Variants in RSBN1L observed in about 807,000 individuals in gnomAD.
RSBN1L encodes the protein round spermatid basic protein 1 like.
A neutral mutation model predicts 67.7 loss-of-function variants in RSBN1L; 30 were observed. The observed-to-expected ratio is 0.44, with a 90% confidence interval of 0.33 to 0.60. The LOEUF (loss-of-function observed/expected upper bound fraction) is 0.60, where lower values mean the gene tolerates loss of function less well. Among genes scored for constraint, RSBN1L ranks in the 20% least tolerant of loss-of-function variants. The pLI is 0.02. For missense variants in RSBN1L, 992 were observed against 1,031.7 expected (o/e 0.96, Z 0.53); for synonymous variants, 433 against 387.0 (o/e 1.12, Z -1.39).
intron 2 of RSBN1L, among the ~76,000 whole-genome samples, chr7:77,748,909 GTCTGTC>G: frequency 6.6e-6 from 1 of 152,218 alleles, no homozygotes; most frequent in African/African-American, 2.4e-5. Context: ...CTGTCTGTCT[GTCTGTC>G]TCTCTCTTTC....
At chr7:77,724,847 G>GT (rs1306843890) in intron 1 of RSBN1L, among the ~76,000 whole-genome samples, 476 of 132,244 alleles carry the variant, frequency 3.6e-3, no homozygotes, top group African/African-American at 8.3e-3. Flanking sequence ...TTTCTTTTTT[G>GT]TTTTTTTTTT....
chr7:77,763,702 T>C (rs1367649894), intron 3 of RSBN1L, among the ~76,000 whole-genome samples: 1 of 152,224 alleles, frequency 6.6e-6, no homozygotes, highest in Non-Finnish European at 1.5e-5. Context: ...TATATTTGTT[T>C]GTTTTTTTGA....
chr7:77,723,946 T>A (rs533677672), intron 1 of RSBN1L, among the ~76,000 whole-genome samples: 26,365 of 78,784 alleles, frequency 0.33, 2,741 homozygotes, highest in African/African-American at 0.54. Flanking sequence ...AAAAAAAAAT[T>A]TTTTTTTTTT....
intron 1 of RSBN1L, among the ~76,000 whole-genome samples, chr7:77,734,547 G>A (rs1791308335): frequency 6.7e-6 from 1 of 149,522 alleles, no homozygotes; most frequent in Non-Finnish European, 1.5e-5. Context: ...GGAGTGCAGT[G>A]GCATGATCTC....
At chr7:77,713,354 CT>C (rs1383224994) in intron 1 of RSBN1L, among the ~76,000 whole-genome samples, 6 of 150,968 alleles carry the variant, frequency 4.0e-5, no homozygotes, top group Non-Finnish European at 8.9e-5. Context: ...ATTTCTCTCT[CT>C]TCCTTTTTTT....
At chr7:77,761,616 CATTTT>C (rs1791698200) in intron 3 of RSBN1L, among the ~76,000 whole-genome samples, 1 of 152,108 alleles carries the variant, frequency 6.6e-6, no homozygotes, top group Non-Finnish European at 1.5e-5. Context: ...TTTATTCTTA[CATTTT>C]ATTTTAACAA....
chr7:77,754,138 A>T (rs1791588588), intron 3 of RSBN1L, among the ~76,000 whole-genome samples: 1 of 152,164 alleles, frequency 6.6e-6, no homozygotes, highest in Non-Finnish European at 1.5e-5. Flanking sequence ...CCTGGCCTCA[A>T]GTGATCCTCC....
chr7:77,720,577 A>G (rs1432656755), intron 1 of RSBN1L, among the ~76,000 whole-genome samples: 1 of 152,038 alleles, frequency 6.6e-6, no homozygotes, highest in Non-Finnish European at 1.5e-5. Flanking sequence ...ATTGCAGAAG[A>G]CAAGTGTTAT....
At chr7:77,719,586 A>G (rs1464123550) in intron 1 of RSBN1L, among the ~76,000 whole-genome samples, 1 of 152,212 alleles carries the variant, frequency 6.6e-6, no homozygotes, top group African/African-American at 2.4e-5. Flanking sequence ...GATACCACCT[A>G]CAATATCTTA....
chr7:77,772,222 A>G (rs1001276877), intron 5 of RSBN1L, among the ~76,000 whole-genome samples: 1 of 152,246 alleles, frequency 6.6e-6, no homozygotes, highest in African/African-American at 2.4e-5. Flanking sequence ...AGGGGTGCAC[A>G]AAGAGTAGTT....
intron 1 of RSBN1L, among the ~76,000 whole-genome samples, chr7:77,726,873 C>T (rs923048719): frequency 6.7e-6 from 1 of 148,694 alleles, no homozygotes; most frequent in Non-Finnish European, 1.5e-5. Flanking sequence ...CTCCACATTC[C>T]TGGGTTCAAG....
chr7:77,707,236 C>G (rs1790905597), intron 1 of RSBN1L, among the ~76,000 whole-genome samples: 1 of 152,180 alleles, frequency 6.6e-6, no homozygotes, highest in East Asian at 1.9e-4. Flanking sequence ...GTTGACCAGA[C>G]TGGTCTTGAA....
intron 4 of RSBN1L, among the ~76,000 whole-genome samples, chr7:77,767,101 C>T (rs1791778490): frequency 7.1e-6 from 1 of 141,300 alleles, no homozygotes; most frequent in African/African-American, 2.7e-5. Context: ...TTTCCCTTTC[C>T]CTTCCTTTCT....
At chr7:77,703,477 G>GTTT (rs71529102) in intron 1 of RSBN1L, among the ~76,000 whole-genome samples, 2,421 of 61,634 alleles carry the variant, frequency 0.039, 407 homozygotes, top group East Asian at 0.067. Flanking sequence ...TACTGTTTGG[G>GTTT]TTTTTTTTTT....
rs543563868 is a variant in RSBN1L, at chr7:77,780,942, T to A, written c.*1774T>A. Reference sequence around the variant, plus strand: ...TCATTGCAAATCTATTTTGTTTGTTTTTGGTATTATTCTGGGCACATACTT... The same window carrying A: ...TCATTGCAAATCTATTTTGTTTGTTATTGGTATTATTCTGGGCACATACTT... On this transcript the variant is annotated 3_prime_UTR_variant, in exon 8 of 8. Coordinates refer to ENST00000334955, the MANE Select transcript of RSBN1L (RefSeq NM_198467.3). 3 of 152,364 alleles carry A rather than the reference T, an allele frequency of 2.0e-5. No individual in the cohort carries two copies. In the South Asian group the frequency reaches 6.2e-4, roughly 32 times the overall value. The allele number at this position is 152,364 out of a possible 1,614,324, so 9.4% of individuals were successfully genotyped here.
At chr7:77,752,192 C>T (rs553711147) in intron 3 of RSBN1L, among the ~76,000 whole-genome samples, 10 of 152,200 alleles carry the variant, frequency 6.6e-5, no homozygotes, top group East Asian at 1.9e-4. Flanking sequence ...ACCATGTCTT[C>T]GGGCTTCTTG....
At chr7:77,750,753 T>C (rs1408892320) in intron 3 of RSBN1L, among the ~76,000 whole-genome samples, 2 of 152,198 alleles carry the variant, frequency 1.3e-5, no homozygotes, top group African/African-American at 4.8e-5. Context: ...TTATTGATGC[T>C]GTAGTTTTTG....
At chr7:77,699,994 A>G (rs1298500860) in intron 1 of RSBN1L, among the ~76,000 whole-genome samples, 1 of 152,126 alleles carries the variant, frequency 6.6e-6, no homozygotes, top group African/African-American at 2.4e-5. Flanking sequence ...AGGGGGTTTC[A>G]CCATGTTGGC....
intron 1 of RSBN1L, among the ~76,000 whole-genome samples, chr7:77,699,207 T>A (rs1408420338): frequency 6.6e-6 from 1 of 152,182 alleles, no homozygotes; most frequent in East Asian, 1.9e-4. Context: ...CAGTAACCCC[T>A]CAATTATCCA....
Sources: gnomAD v4.1 joint callset for allele counts (sites outside exome capture counted in the v4.1 genomes callset) on GRCh38, gnomAD v4.1.1 for gene constraint, MANE v1.5 for transcripts, NCBI Gene and HGNC (gene_info 2026-07-23, HGNC 2026-07-21) for gene names.